Variants in R3HCC1L observed in about 807,000 individuals in gnomAD.
R3HCC1L encodes coiled-coil domain-containing protein R3HCC1L.
A neutral mutation model predicts 59.9 loss-of-function variants in R3HCC1L; 51 were observed. The ratio of observed to expected loss-of-function variants is 0.85; its 90% CI spans 0.68 to 1.07. The LOEUF is 1.07. Ranked by LOEUF, R3HCC1L falls within the 50% of genes least tolerant of loss-of-function variation. The probability of loss-of-function intolerance (pLI) is 0.00; values close to 1 mark genes in which losing one functional copy is unlikely to be tolerated. For missense variants in R3HCC1L, 965 were observed against 933.0 expected (o/e 1.03, Z -0.45); for synonymous variants, 322 against 315.2 (o/e 1.02, Z -0.23).
chr10:98,148,698 A>G (rs1303068934), intron 1 of R3HCC1L, among the ~76,000 whole-genome samples: 1 of 152,134 alleles, frequency 6.6e-6, no homozygotes, highest in East Asian at 1.9e-4. Context: ...ATTGATTTGC[A>G]TATGTTGAAC....
chr10:98,144,736 C>G (rs1467281660), intron 1 of R3HCC1L, among the ~76,000 whole-genome samples: 1 of 152,196 alleles, frequency 6.6e-6, no homozygotes, highest in Non-Finnish European at 1.5e-5. Context: ...AAGTCCTAGT[C>G]TGGTCTATCT....
In R3HCC1L at chr10:98,244,009, G is replaced by C. The variant is rs771026001; in HGVS notation, c.2270-82G>C. On this transcript the variant is annotated intron_variant, in intron 9 of 9. Coordinates refer to ENST00000298999, the MANE Select transcript of R3HCC1L (RefSeq NM_001351015.2). ...GATATCCACTTGTCTCATGACTAAA[G>C]TTTGCCTTGTAATTTGGATTAAGGG... 569 of 1,246,012 alleles carry C rather than the reference G, an allele frequency of 4.6e-4. 2 individuals carry two copies. Among genetic ancestry groups the C allele is most frequent in the Admixed American group, 3.6e-4 (21 of 57,632 alleles). The allele number at this position is 1,246,012 out of a possible 1,614,324, so 77.2% of individuals were successfully genotyped here.
chr10:98,206,906 T>C (rs148758136), intron 4 of R3HCC1L, among the ~76,000 whole-genome samples: 304 of 152,116 alleles, frequency 2.0e-3, no homozygotes, highest in Non-Finnish European at 3.8e-3. Context: ...TTAACTAAGA[T>C]ACCAAAAGAG....
intron 1 of R3HCC1L, among the ~76,000 whole-genome samples, chr10:98,141,861 A>G (rs1845168205): frequency 6.6e-6 from 1 of 152,226 alleles, no homozygotes. Flanking sequence ...TGCCAGATTC[A>G]AGGAGAGAGT....
At chr10:98,230,486 C>G (rs926858044) in intron 5 of R3HCC1L, among the ~76,000 whole-genome samples, 1 of 151,992 alleles carries the variant, frequency 6.6e-6, no homozygotes, top group Non-Finnish European at 1.5e-5. Flanking sequence ...GTTAATCTTG[C>G]TAGTGGTCTA....
chr10:98,144,677 A>G (rs188616413), intron 1 of R3HCC1L, among the ~76,000 whole-genome samples: 1 of 152,324 alleles, frequency 6.6e-6, no homozygotes, highest in Admixed American at 6.5e-5. Context: ...TGACACAACA[A>G]TCTTATGAAA....
chr10:98,238,529 TATG>T (rs1472569292), intron 9 of R3HCC1L, among the ~76,000 whole-genome samples: 7 of 152,180 alleles, frequency 4.6e-5, no homozygotes, highest in Admixed American at 2.0e-4. Flanking sequence ...ACTTACAGGT[TATG>T]ATGATATTGC....
At chr10:98,140,004 G>C (rs1844989782) in intron 1 of R3HCC1L, among the ~76,000 whole-genome samples, 1 of 151,742 alleles carries the variant, frequency 6.6e-6, no homozygotes, top group Non-Finnish European at 1.5e-5. Flanking sequence ...TTCTGGGATA[G>C]GCAAATGGCT....
chr10:98,195,153 C>T (rs527337737), intron 4 of R3HCC1L, among the ~76,000 whole-genome samples: 59 of 152,248 alleles, frequency 3.9e-4, no homozygotes, highest in South Asian at 6.2e-4. Flanking sequence ...GAAGAAATTC[C>T]TGTCATGCTG....
intron 1 of R3HCC1L, among the ~76,000 whole-genome samples, chr10:98,155,262 G>C (rs1293581140): frequency 1.3e-5 from 2 of 152,108 alleles, no homozygotes; most frequent in African/African-American, 4.8e-5. Context: ...ACTGTCTCCT[G>C]ATCATTAATG....
intron 1 of R3HCC1L, among the ~76,000 whole-genome samples, chr10:98,136,080 T>A (rs1844555353): frequency 2.6e-5 from 4 of 151,178 alleles, no homozygotes. Context: ...GTCTAACTCC[T>A]GGGCTCAAAT....
chr10:98,235,288 G>A (rs1220813508), intron 7 of R3HCC1L, 137 bp from the exon 8 acceptor site: 10 of 692,848 alleles, frequency 1.4e-5, no homozygotes, highest in Non-Finnish European at 1.9e-5. Flanking sequence ...TTACTGCCAC[G>A]TTGATCTTTA....
chr10:98,173,759 G>GC (rs1326599955), intron 4 of R3HCC1L, among the ~76,000 whole-genome samples: 1 of 151,652 alleles, frequency 6.6e-6, no homozygotes, highest in East Asian at 1.9e-4. Context: ...ACCAAATAGT[G>GC]CCCCCTCCCC....
intron 4 of R3HCC1L, among the ~76,000 whole-genome samples, chr10:98,191,194 G>A (rs745450036): frequency 1.3e-5 from 2 of 152,150 alleles, no homozygotes; most frequent in Admixed American, 1.3e-4. Context: ...GGGTGAAATG[G>A]TAATTCTAGT....
intron 5 of R3HCC1L, among the ~76,000 whole-genome samples, chr10:98,218,929 C>CT (rs970341732): frequency 1.9e-4 from 28 of 151,272 alleles, no homozygotes; most frequent in African/African-American, 5.1e-4. Context: ...GACTTTGTTT[C>CT]TTTTTTTTTG....
intron 4 of R3HCC1L, among the ~76,000 whole-genome samples, chr10:98,176,395 T>C (rs1849018245): frequency 6.6e-6 from 1 of 152,218 alleles, no homozygotes; most frequent in Non-Finnish European, 1.5e-5. Flanking sequence ...TTATGATCTT[T>C]CTTTCGATTT....
chr10:98,187,049 A>C (rs1350142244), intron 4 of R3HCC1L, among the ~76,000 whole-genome samples: 2 of 152,094 alleles, frequency 1.3e-5, no homozygotes, highest in African/African-American at 4.8e-5. Flanking sequence ...AAGTGAGATG[A>C]TGTATACAAG....
At chr10:98,157,883 T>C (rs1313891826) in intron 2 of R3HCC1L, among the ~76,000 whole-genome samples, 1 of 152,250 alleles carries the variant, frequency 6.6e-6, no homozygotes, top group East Asian at 1.9e-4. Context: ...ATGATTATTA[T>C]ACTTCTGATA....
chr10:98,216,039 C>T (rs372893823), intron 5 of R3HCC1L, among the ~76,000 whole-genome samples: 179 of 152,204 alleles, frequency 1.2e-3, no homozygotes, highest in African/African-American at 4.0e-3. Flanking sequence ...GAATCAAGTC[C>T]TAAGTTTGTC....
Sources: gnomAD v4.1 joint callset for allele counts (sites outside exome capture counted in the v4.1 genomes callset) on GRCh38, gnomAD v4.1.1 for gene constraint, MANE v1.5 for transcripts, NCBI Gene and HGNC (gene_info 2026-07-23, HGNC 2026-07-21) for gene names.